RNF141: variants seen among roughly 807,000 people sequenced by gnomAD.
RNF141 encodes the protein C3HC4-like zinc finger protein.
RNF141 carries 18 observed loss-of-function variants against 27.4 expected under a neutral mutation model. The observed-to-expected ratio is 0.66, with a 90% CI of 0.45 to 0.97. The LOEUF (loss-of-function observed/expected upper bound fraction) is 0.97. RNF141 is among the 50% of genes least tolerant of loss of function. The pLI, the probability that RNF141 is intolerant of heterozygous loss-of-function variation, is 0.00. For synonymous variants in RNF141, 97 were observed against 96.6 expected, an observed-to-expected ratio of 1.00 and a Z score of -0.02; for missense variants, 230 against 279.4, an observed-to-expected ratio of 0.82 and a Z score of 1.26.
chr11:10,518,852 A>C (rs1849863256), intron 5 of RNF141, 182 bp downstream of exon 5: 2 of 467,448 alleles, frequency 4.3e-6, no homozygotes, highest in Non-Finnish European at 7.5e-6. Flanking sequence ...CATATTTAAT[A>C]AATGTTAGGT....
At position 10,534,173 on chromosome 11, in the gene RNF141, T is replaced by A; in HGVS notation, c.-15A>T. The A allele has an allele frequency of 2.5e-6, 4 of 1,610,720 alleles. No homozygotes were observed. Among genetic ancestry groups the A allele is most frequent in the Non-Finnish European group, 3.4e-6 (4 of 1,178,444 alleles). On this transcript the variant is annotated 5_prime_UTR_variant, in exon 2 of 6. In the 5' UTR this introduces an upstream ATG that the reference lacks. Transcript: ENST00000265981. ...TGCTGTCCCATGATGAAAAGATGTCTTTCAAAATCCAGAGTGTTGCTTCAC... is the reference window on the plus strand; with the variant it reads ...TGCTGTCCCATGATGAAAAGATGTCATTCAAAATCCAGAGTGTTGCTTCAC...
intron 4 of RNF141, among the ~76,000 whole-genome samples, chr11:10,519,655 T>C (rs1415403805): frequency 6.6e-6 from 1 of 152,230 alleles, no homozygotes. Flanking sequence ...ATATATAGCA[T>C]GTTACTGTAT....
At chr11:10,540,834 G>C (rs1850093371) in intron 1 of RNF141, 1 of 152,234 alleles carries the variant, frequency 6.6e-6, no homozygotes, top group Non-Finnish European at 1.5e-5. Flanking sequence ...TTGGGATAGA[G>C]AAGGAAAAAC....
chr11:10,518,222 A>C (rs1284818210), intron 5 of RNF141: 2 of 152,198 alleles, frequency 1.3e-5, no homozygotes, highest in Non-Finnish European at 2.9e-5. Flanking sequence ...ATACCATATG[A>C]TCTAGCCATT....
chr11:10,515,416 G>A (rs927024784), intron 5 of RNF141: 3 of 174,300 alleles, frequency 1.7e-5, no homozygotes, highest in Admixed American at 6.3e-5. Flanking sequence ...ACACTGTATC[G>A]CTATGCCATA....
At chr11:10,525,875 G>A (rs1849931949) in intron 3 of RNF141, among the ~76,000 whole-genome samples, 1 of 152,122 alleles carries the variant, frequency 6.6e-6, no homozygotes, top group Non-Finnish European at 1.5e-5. Flanking sequence ...AAAGGTGGTT[G>A]GACTTTTCCC....
chr11:10,533,186 A>G (rs1044317091), intron 2 of RNF141, among the ~76,000 whole-genome samples: 3 of 152,204 alleles, frequency 2.0e-5, no homozygotes, highest in Non-Finnish European at 2.9e-5. Context: ...CATCTGCCCA[A>G]TTGTCACCAA....
chr11:10,533,569 A>C (rs1334134475), intron 2 of RNF141, among the ~76,000 whole-genome samples: 2 of 152,076 alleles, frequency 1.3e-5, no homozygotes, highest in African/African-American at 4.8e-5. Context: ...GTGTGTGTCT[A>C]TATACACACA....
chr11:10,528,101 T>C (rs909508457), intron 3 of RNF141, among the ~76,000 whole-genome samples: 6 of 152,188 alleles, frequency 3.9e-5, no homozygotes, highest in Admixed American at 2.6e-4. Context: ...ATAATTTAGA[T>C]CATTTTTTAT....
At chr11:10,537,546 C>G (rs1850049172) in intron 1 of RNF141, among the ~76,000 whole-genome samples, 1 of 152,150 alleles carries the variant, frequency 6.6e-6, no homozygotes, top group Non-Finnish European at 1.5e-5. Flanking sequence ...CCTCTGCTCT[C>G]TGAGGTCTCC....
chr11:10,532,496 TACAC>T (rs10559393), intron 2 of RNF141, among the ~76,000 whole-genome samples: 7,019 of 131,150 alleles, frequency 0.054, 185 homozygotes, highest in South Asian at 0.081. Flanking sequence ...GTTCATTTTC[TACAC>T]ACACACACAC....
At chr11:10,529,430 A>G (rs1404324570) in intron 3 of RNF141, among the ~76,000 whole-genome samples, 1 of 152,256 alleles carries the variant, frequency 6.6e-6, no homozygotes. Flanking sequence ...AGAAAACACA[A>G]TAAGCAGAAG....
Position 10,519,148 on chromosome 11 carries a change from T to C in RNF141, c.435-7A>G. 1 of 1,608,392 alleles carries C rather than the reference T, an allele frequency of 6.2e-7. No homozygotes were observed. Among genetic ancestry groups the C allele is most frequent in the South Asian group, 1.1e-5 (1 of 90,910 alleles). On this transcript the variant is annotated splice_region_variant and splice_polypyrimidine_tract_variant and intron_variant, in intron 4 of 5. Coordinates refer to ENST00000265981, the MANE Select transcript of RNF141 (RefSeq NM_016422.4). ...ATCGGTCAGCTGCTTCACCCTGCAA[T>C]GTGAAAACTGAGCTGAAACAATTAT...
At chr11:10,527,652 G>A (rs114737392) in intron 3 of RNF141, among the ~76,000 whole-genome samples, 2 of 152,014 alleles carry the variant, frequency 1.3e-5, no homozygotes, top group Admixed American at 6.6e-5. Flanking sequence ...TCACGGGGGG[G>A]GGTTTTGAGC....
intron 3 of RNF141, among the ~76,000 whole-genome samples, chr11:10,527,654 GT>G (rs201813387): frequency 2.8e-5 from 4 of 144,166 alleles, no homozygotes; most frequent in South Asian, 2.2e-4. Context: ...ACGGGGGGGG[GT>G]TTTGAGCCAA....
At position 10,534,037 on chromosome 11, in the gene RNF141, C is replaced by T; in HGVS notation, c.122G>A (p.Arg41Lys). The T allele has an allele frequency of 6.2e-7, 1 of 1,613,420 alleles. No individual in the cohort carries two copies. Among genetic ancestry groups the T allele is most frequent in the Non-Finnish European group, 8.5e-7 (1 of 1,179,618 alleles). The change falls in exon 2 of 6, where the codon AGA becomes AAA. Residue 41 changes from arginine (R) to lysine (K), a missense_variant. Transcript: ENST00000265981. ...TTACACATCATTAAGCTCAGCTACT[C>T]TCCCAAGAAATTCTTCATAAGTTAA... is the stretch of plus-strand genomic sequence containing the variant. ...GSLTYEEFLG[R>K]VAELNDVTAK...
At chr11:10,537,989 C>T (rs1036993627) in intron 1 of RNF141, among the ~76,000 whole-genome samples, 4 of 152,208 alleles carry the variant, frequency 2.6e-5, no homozygotes, top group Non-Finnish European at 4.4e-5. Flanking sequence ...GTGCTTTTAA[C>T]TCAAAATAAT....
rs551333135 is a variant in RNF141, at chr11:10,512,193, A to G, written c.*2723T>C. 4.6e-5 allele frequency: 7 copies of G among 152,778 alleles called. No individual in the cohort carries two copies. The highest frequency in any genetic ancestry group is 2.0e-4 in the Admixed American group (3 of 15,310). The allele number at this position is 152,778 out of a possible 1,614,324, so 9.5% of individuals were successfully genotyped here. A position where few individuals can be genotyped will look rare whatever the true frequency, so the allele number is the denominator to read the frequency against. The stretch of plus-strand genomic sequence containing the variant: ...CATAGTAAGTACATTTAAGTACTTC[A>G]TATTTAAAAAAGACAAAGCTGTACA... On this transcript the variant is annotated 3_prime_UTR_variant, in exon 6 of 6. Coordinates refer to ENST00000265981, the MANE Select transcript of RNF141 (RefSeq NM_016422.4).
At chr11:10,518,765 A>G (rs554477256) in intron 5 of RNF141, 8 of 321,150 alleles carry the variant, frequency 2.5e-5, no homozygotes, top group Non-Finnish European at 3.4e-5. Flanking sequence ...GAAAAAGGGA[A>G]ATGTTTGATT....
Sources: gnomAD v4.1 joint callset for allele counts (sites outside exome capture counted in the v4.1 genomes callset) on GRCh38, gnomAD v4.1.1 for gene constraint, MANE v1.5 for transcripts, NCBI Gene and HGNC (gene_info 2026-07-23, HGNC 2026-07-21) for gene names.